Variants in SLC41A2 observed in about 807,000 individuals in gnomAD.
The protein encoded by SLC41A2 is solute carrier family 41 member 2.
SLC41A2 carries 32 observed loss-of-function variants against 58.3 expected under a neutral mutation model. That is an observed-to-expected ratio of 0.55 (90% confidence interval 0.41 to 0.74). SLC41A2 has a LOEUF of 0.74. Ranked by LOEUF, SLC41A2 falls within the 30% of genes least tolerant of loss-of-function variation. SLC41A2 has a pLI of 0.00. For missense variants in SLC41A2, 514 were observed against 680.6 expected (o/e 0.76, Z 2.72); for synonymous variants, 190 against 235.0 (o/e 0.81, Z 1.75).
At chr12:104,887,946 T>C (rs938391499) in intron 5 of SLC41A2, among the ~76,000 whole-genome samples, 6 of 152,070 alleles carry the variant, frequency 3.9e-5, no homozygotes, top group Non-Finnish European at 4.4e-5. Flanking sequence ...ACAAATACTT[T>C]TTAAAATTCT....
chr12:104,846,470 A>G (rs2042601655), intron 8 of SLC41A2, among the ~76,000 whole-genome samples: 1 of 152,330 alleles, frequency 6.6e-6, no homozygotes, highest in East Asian at 1.9e-4. Flanking sequence ...AGCCCCTCCA[A>G]GGTAAGATAT....
At chr12:104,831,797 G>A (rs1472490495) in intron 10 of SLC41A2, among the ~76,000 whole-genome samples, 1 of 152,136 alleles carries the variant, frequency 6.6e-6, no homozygotes, top group Admixed American at 6.5e-5. Context: ...AGTGTGATGA[G>A]ATTCCTGAAG....
At chr12:104,849,976 G>A (rs1171320878) in intron 8 of SLC41A2, among the ~76,000 whole-genome samples, 1 of 152,154 alleles carries the variant, frequency 6.6e-6, no homozygotes, top group East Asian at 1.9e-4. Context: ...ATGAAATCAA[G>A]AGAACTTGAC....
At chr12:104,889,394 C>T (rs543732913) in intron 4 of SLC41A2, among the ~76,000 whole-genome samples, 2 of 152,066 alleles carry the variant, frequency 1.3e-5, no homozygotes, top group Non-Finnish European at 2.9e-5. Context: ...AAGTATGGAA[C>T]GGAGTCCAGG....
chr12:104,846,870 C>T (rs1388143852), intron 8 of SLC41A2, among the ~76,000 whole-genome samples: 3 of 152,156 alleles, frequency 2.0e-5, no homozygotes, highest in Admixed American at 2.0e-4. Context: ...ATCCTCCATC[C>T]TAATGATCTA....
In SLC41A2 at chr12:104,807,020, G is replaced by A. The variant is rs563775744; in HGVS notation, c.1537-1683C>T. On this transcript the variant is annotated intron_variant, in intron 10 of 10. Transcript: ENST00000258538. Reference sequence around the variant, plus strand: ...TTTTCTCCCATTCTGTAGGTTGCTTGTTCACTCTGATGGTAGTTTCTTTTG... The same window carrying A: ...TTTTCTCCCATTCTGTAGGTTGCTTATTCACTCTGATGGTAGTTTCTTTTG... 4.6e-5 allele frequency among the ~76,000 whole-genome samples: 7 copies of A among 152,310 alleles called. No individual in the cohort carries two copies. The South Asian group carries it at 1.4e-3, about 32-fold the overall frequency.
chr12:104,815,721 A>C (rs928000711), intron 10 of SLC41A2, among the ~76,000 whole-genome samples: 4 of 152,146 alleles, frequency 2.6e-5, no homozygotes, highest in African/African-American at 9.7e-5. Context: ...CCCCTACAAA[A>C]ATATGCTTCC....
intron 10 of SLC41A2, among the ~76,000 whole-genome samples, chr12:104,827,052 C>G (rs1247302604): frequency 6.6e-6 from 1 of 152,178 alleles, no homozygotes; most frequent in Non-Finnish European, 1.5e-5. Flanking sequence ...AGAACTAAGA[C>G]CAAGCCTTCT....
Position 104,805,354 on chromosome 12 carries a change from G to C in SLC41A2, c.1537-17C>G. The stretch of plus-strand genomic sequence containing the variant: ...GGTAAATACCTAGAAGAGAACAACA[G>C]AGATTACTCCGGCTGCCTGGACATT... On this transcript the variant is annotated splice_polypyrimidine_tract_variant and intron_variant, in intron 10 of 10. Coordinates refer to ENST00000258538, the MANE Select transcript of SLC41A2 (RefSeq NM_001352171.3). 1 of 1,605,128 alleles carries C rather than the reference G, an allele frequency of 6.2e-7. No homozygotes were observed.
At chr12:104,856,045 T>C (rs147303814) in intron 8 of SLC41A2, among the ~76,000 whole-genome samples, 224 of 152,314 alleles carry the variant, frequency 1.5e-3, no homozygotes, top group Middle Eastern at 0.01. Context: ...TCAAAATCAA[T>C]TGATGAGTTC....
At chr12:104,847,603 C>CA (rs61636915) in intron 8 of SLC41A2, among the ~76,000 whole-genome samples, 50,504 of 86,468 alleles carry the variant, frequency 0.58, 14,496 homozygotes, top group Non-Finnish European at 0.61. Flanking sequence ...GACTCTGTCT[C>CA]AAAAAAAAAA....
chr12:104,926,906 C>T (rs1178371067), intron 2 of SLC41A2, among the ~76,000 whole-genome samples: 1 of 151,948 alleles, frequency 6.6e-6, no homozygotes, highest in Non-Finnish European at 1.5e-5. Context: ...GGCAACACAG[C>T]AAGACCTTGT....
At chr12:104,854,078 CAG>C (rs1206958439) in intron 8 of SLC41A2, among the ~76,000 whole-genome samples, 2 of 151,460 alleles carry the variant, frequency 1.3e-5, no homozygotes, top group Non-Finnish European at 2.9e-5. Flanking sequence ...ACATTCTTAA[CAG>C]AGGTGAAAAC....
chr12:104,828,420 C>T (rs991822298), intron 10 of SLC41A2, among the ~76,000 whole-genome samples: 30 of 152,182 alleles, frequency 2.0e-4, no homozygotes, highest in Admixed American at 1.0e-3. Flanking sequence ...TACAGAAAGC[C>T]GTCTGTCCTT....
At chr12:104,848,349 C>T (rs908897039) in intron 8 of SLC41A2, among the ~76,000 whole-genome samples, 9 of 151,952 alleles carry the variant, frequency 5.9e-5, no homozygotes, top group Non-Finnish European at 1.0e-4. Context: ...CATAGCATTA[C>T]TTATATTAGG....
At chr12:104,883,899 C>T (rs549755689) in intron 6 of SLC41A2, among the ~76,000 whole-genome samples, 17 of 152,252 alleles carry the variant, frequency 1.1e-4, no homozygotes, top group East Asian at 1.9e-4. Context: ...CGTTTAAGTC[C>T]GCAGAAGTTT....
chr12:104,866,684 CAT>C, intron 6 of SLC41A2, 105 bp from the exon 7 acceptor site: 1 of 852,586 alleles, frequency 1.2e-6, no homozygotes, highest in Non-Finnish European at 1.7e-6. Flanking sequence ...CACTATCAAA[CAT>C]ATTAACATGC....
intron 5 of SLC41A2, 105 bp downstream of exon 5, chr12:104,888,928 C>T: frequency 8.6e-7 from 1 of 1,160,082 alleles, no homozygotes; most frequent in South Asian, 2.0e-5. Flanking sequence ...TATGTTTTTT[C>T]TGTTGTTTTC....
chr12:104,805,334 A>G lies in SLC41A2; in HGVS notation c.1540T>C (p.Phe514Leu), dbSNP rs748694135. The change falls in exon 11 of 11, where the codon TTT becomes CTT. Residue 514 changes from phenylalanine (F) to leucine (L), a missense_variant. This residue lies in a region of SLC41A2 where 128 missense variants were observed against 146.0 expected (regional missense o/e 0.88). Coordinates refer to ENST00000258538, the MANE Select transcript of SLC41A2 (RefSeq NM_001352171.3). ...CAGTCAGCAATCCACAGCAAGGTAAATACCTAGAAGAGAACAACAGAGATT... is the reference window on the plus strand; with the variant it reads ...CAGTCAGCAATCCACAGCAAGGTAAGTACCTAGAAGAGAACAACAGAGATT... ...VYLFGAVLQV[F>L]TLLWIADWMV... 25 of 1,612,810 alleles carry G rather than the reference A, an allele frequency of 1.6e-5. No individual in the cohort carries two copies. The highest frequency in any genetic ancestry group is 2.5e-6 in the Non-Finnish European group (3 of 1,179,412).
Sources: gnomAD v4.1 joint callset for allele counts (sites outside exome capture counted in the v4.1 genomes callset) on GRCh38, gnomAD v4.1.1 for gene constraint, gnomAD v4.1.1 regional missense constraint, MANE v1.5 for transcripts, NCBI Gene and HGNC (gene_info 2026-07-23, HGNC 2026-07-21) for gene names.